CEP135: variants seen among roughly 807,000 people sequenced by gnomAD.
CEP135 encodes the protein centrosomal protein 135, also known as centrosomal protein of 135 kDa.
CEP135 carries 142 observed loss-of-function variants against 157.3 expected under a neutral mutation model. The observed-to-expected ratio is 0.90, with a 90% CI of 0.79 to 1.04. The LOEUF is 1.04. CEP135 is among the 50% of genes least tolerant of loss of function. The probability of loss-of-function intolerance (pLI) is 0.00; values close to 1 mark genes in which losing one functional copy is unlikely to be tolerated. For synonymous variants in CEP135, 396 were observed against 439.8 expected, an observed-to-expected ratio of 0.90 and a Z score of 1.25; for missense variants, 1,317 against 1,309.2, an observed-to-expected ratio of 1.01 and a Z score of -0.09.
chr4:55,968,419 A>G (rs1051151069), intron 8 of CEP135, among the ~76,000 whole-genome samples: 27 of 150,618 alleles, frequency 1.8e-4, no homozygotes, highest in African/African-American at 5.9e-4. Context: ...TCTAAAATGC[A>G]TATGGAATCT....
chr4:55,965,658 G>A lies in CEP135; in HGVS notation c.843G>A (p.Gln281=). ...AHLNIQVDFL[Q]QANKDLEKRI... The stretch of plus-strand genomic sequence containing the variant: ...CTCCAATTTAGGTTGACTTTCTTCA[G>A]CAAGCTAATAAAGACCTGGAGAAGC... The change falls in exon 8 of 26, where the codon CAG becomes CAA. Residue 281 remains glutamine (Q), a synonymous_variant. Transcript: ENST00000257287. The A allele has an allele frequency of 2.5e-6, 4 of 1,603,954 alleles. No individual in the cohort carries two copies. In the South Asian group the frequency reaches 3.4e-5, roughly 14 times the overall value.
At chr4:56,029,710 A>G (rs148967201) in intron 25 of CEP135, among the ~76,000 whole-genome samples, 25 of 152,342 alleles carry the variant, frequency 1.6e-4, no homozygotes, top group African/African-American at 5.8e-4. Context: ...ATGTTACTGT[A>G]CTGAATACTG....
At position 55,985,357 on chromosome 4, in the gene CEP135, AG is replaced by A. The variant is rs1446965793; in HGVS notation, c.1857+1del. 1.3e-6 allele frequency: 2 copies of A among 1,566,852 alleles called. No homozygotes were observed. Among genetic ancestry groups the A allele is most frequent in the African/African-American group, 2.7e-5 (2 of 74,110 alleles). On this transcript the variant is annotated frameshift_variant and splice_region_variant, in exon 14 of 26. Coordinates refer to ENST00000257287, the MANE Select transcript of CEP135 (RefSeq NM_025009.5). LOFTEE classifies it high-confidence loss of function. ...TIEHLTCVNHQLESEKYELKS... is the reference protein window; with the variant it reads ...TIEHLTCVNHXLESEKYELKS... ...GAACATTTGACATGTGTTAATCATC[AG>A]GTAATGTATCAAACTGGATTTGGGG...
At chr4:56,020,828 A>G (rs370006725) in intron 24 of CEP135, 48 bp downstream of exon 24, 36 of 1,341,080 alleles carry the variant, frequency 2.7e-5, no homozygotes, top group East Asian at 1.6e-4. Flanking sequence ...TGTGTTCTCT[A>G]TTGTACTTCA....
chr4:55,953,056 C>T, intron 2 of CEP135, 29 bp from the exon 3 acceptor site: 1 of 1,490,270 alleles, frequency 6.7e-7, no homozygotes, highest in Non-Finnish European at 9.0e-7. Flanking sequence ...TGAAATATTT[C>T]CTGGTATTTA....
At chr4:55,957,438 C>G in intron 5 of CEP135, 74 bp downstream of exon 5, 3 of 1,426,118 alleles carry the variant, frequency 2.1e-6, no homozygotes, top group Non-Finnish European at 2.9e-6. Flanking sequence ...GATAGGAGGG[C>G]TTTTTTTCTT....
chr4:55,996,954 G>A (rs761992481), intron 15 of CEP135, among the ~76,000 whole-genome samples: 13 of 152,114 alleles, frequency 8.5e-5, no homozygotes, highest in Non-Finnish European at 1.8e-4. Flanking sequence ...TCAAAGAGAT[G>A]GACCTCTACC....
chr4:55,976,658 CCAGGATGTT>C (rs1460809693), intron 11 of CEP135, among the ~76,000 whole-genome samples: 1 of 152,072 alleles, frequency 6.6e-6, no homozygotes. Context: ...GTTCAGAAAG[CCAGGATGTT>C]CAGAGCATTT....
intron 21 of CEP135, among the ~76,000 whole-genome samples, chr4:56,015,123 T>C (rs1730726845): frequency 6.6e-6 from 1 of 152,144 alleles, no homozygotes; most frequent in Non-Finnish European, 1.5e-5. Context: ...CTCCAGAGTA[T>C]GGCTAGAAAA....
intron 8 of CEP135, 105 bp downstream of exon 8, chr4:55,965,964 G>A (rs1728830847): frequency 3.0e-6 from 3 of 984,728 alleles, no homozygotes; most frequent in South Asian, 3.3e-5. Flanking sequence ...GGTTTATTTT[G>A]TGTGTCTGTT....
intron 15 of CEP135, among the ~76,000 whole-genome samples, chr4:55,994,001 G>A (rs1349240689): frequency 1.3e-5 from 2 of 152,232 alleles, no homozygotes; most frequent in East Asian, 3.9e-4. Context: ...AGAAAAATAT[G>A]ACTTATCTTG....
intron 18 of CEP135, among the ~76,000 whole-genome samples, chr4:56,009,533 T>TA (rs1163107923): frequency 6.6e-6 from 1 of 152,196 alleles, no homozygotes; most frequent in African/African-American, 2.4e-5. Flanking sequence ...CATTTTTTTT[T>TA]AACTTCATTT....
intron 6 of CEP135, chr4:55,960,644 A>G (rs71601609): frequency 6.6e-6 from 1 of 152,094 alleles, no homozygotes; most frequent in Admixed American, 6.6e-5. Context: ...AAGAAAATTG[A>G]CCAGGCGTGG....
intron 5 of CEP135, among the ~76,000 whole-genome samples, chr4:55,958,224 C>T (rs1728563842): frequency 6.6e-6 from 1 of 152,164 alleles, no homozygotes; most frequent in African/African-American, 2.4e-5. Context: ...CGCTTGAACC[C>T]ATGAATTCAA....
At chr4:56,027,742 A>G (rs1411357781) in intron 25 of CEP135, among the ~76,000 whole-genome samples, 2 of 152,090 alleles carry the variant, frequency 1.3e-5, no homozygotes, top group Non-Finnish European at 2.9e-5. Context: ...GGCTGGAAGG[A>G]TGTGGCATGG....
At position 55,980,026 on chromosome 4, in the gene CEP135, C is replaced by T. The variant is rs191809676; in HGVS notation, c.1474-117C>T. ...TTTTTAAAACTGTGTTCCTTAATTA[C>T]GTTAAAGGCACTTGTGTTCTTTTTG... On this transcript the variant is annotated intron_variant, in intron 11 of 25. Coordinates refer to ENST00000257287, the MANE Select transcript of CEP135 (RefSeq NM_025009.5). The T allele has an allele frequency of 5.4e-4, 452 of 840,190 alleles. 2 individuals carry two copies. In the African/African-American group the frequency reaches 6.9e-3, roughly 13 times the overall value. 52.0% of individuals were successfully genotyped at this position (840,190 alleles called of 1,614,324 possible).
chr4:55,997,904 G>C (rs1310711159), intron 15 of CEP135, among the ~76,000 whole-genome samples: 4 of 152,172 alleles, frequency 2.6e-5, no homozygotes, highest in African/African-American at 9.7e-5. Context: ...ATTTTAGGAA[G>C]TAAGATTGCT....
intron 14 of CEP135, 42 bp from the exon 15 acceptor site, chr4:55,991,892 G>A (rs765455198): frequency 1.9e-5 from 18 of 972,218 alleles, no homozygotes; most frequent in East Asian, 3.0e-5. Flanking sequence ...TATCATTAAC[G>A]TATTAAGATA....
intron 10 of CEP135, among the ~76,000 whole-genome samples, chr4:55,973,071 G>A (rs1729080840): frequency 6.6e-6 from 1 of 152,146 alleles, no homozygotes; most frequent in Admixed American, 6.5e-5. Flanking sequence ...GCTATGTGTG[G>A]CCTATCATTT....
Sources: allele counts gnomAD v4.1 joint callset (sites outside exome capture counted in the v4.1 genomes callset), GRCh38; gene constraint gnomAD v4.1.1; transcripts MANE v1.5; gene names NCBI Gene and HGNC (gene_info 2026-07-23, HGNC 2026-07-21).